The following METTL15 variants were observed in gnomAD, a reference collection of about 807,000 sequenced individuals.
METTL15 encodes the protein methyltransferase 15, mitochondrial 12S rRNA N4-cytidine.
Under a neutral mutation model 38.3 loss-of-function variants are expected in METTL15, and 34 were observed. The ratio of observed to expected loss-of-function variants is 0.89; its 90% CI spans 0.68 to 1.18. The LOEUF is 1.18. METTL15 is among the 50% of genes most tolerant of loss of function. The pLI, the probability that METTL15 is intolerant of heterozygous loss-of-function variation, is 0.00. For synonymous variants in METTL15, 162 were observed against 170.9 expected (o/e 0.95, Z 0.41); for missense variants, 438 against 498.4 (o/e 0.88, Z 1.15).
chr11:28,438,761 G>T (rs753585249), intron 6 of METTL15, among the ~76,000 whole-genome samples: 6 of 138,596 alleles, frequency 4.3e-5, no homozygotes, highest in Non-Finnish European at 9.0e-5. Flanking sequence ...TGCAACCTCC[G>T]CCTCCCAGGT....
chr11:28,168,975 G>T (rs1231522388), intron 3 of METTL15, among the ~76,000 whole-genome samples: 1 of 152,046 alleles, frequency 6.6e-6, no homozygotes, highest in African/African-American at 2.4e-5. Context: ...GTAGGAATTT[G>T]GACTTTAACC....
chr11:28,522,005 G>A (rs1851768918), intron 6 of METTL15, among the ~76,000 whole-genome samples: 3 of 152,114 alleles, frequency 2.0e-5, no homozygotes, highest in Admixed American at 2.0e-4. Flanking sequence ...TTTTCTGTTG[G>A]GACCCTGACT....
At chr11:28,441,326 GT>G (rs976584737) in intron 6 of METTL15, among the ~76,000 whole-genome samples, 5 of 151,910 alleles carry the variant, frequency 3.3e-5, no homozygotes, top group African/African-American at 1.2e-4. Context: ...GGTTAAATAT[GT>G]TATTAAATAA....
At chr11:28,176,587 T>C (rs969635588) in intron 3 of METTL15, among the ~76,000 whole-genome samples, 1 of 152,174 alleles carries the variant, frequency 6.6e-6, no homozygotes, top group Admixed American at 6.6e-5. Context: ...GTATTTCTTA[T>C]CATTACCATT....
intron 4 of METTL15, among the ~76,000 whole-genome samples, chr11:28,267,033 A>G (rs1855450067): frequency 6.6e-6 from 1 of 151,970 alleles, no homozygotes; most frequent in South Asian, 2.1e-4. Flanking sequence ...GGTGGTGGAC[A>G]CTTGTAATCC....
intron 4 of METTL15, among the ~76,000 whole-genome samples, chr11:28,353,055 T>G (rs1365079525): frequency 6.6e-6 from 1 of 152,030 alleles, no homozygotes; most frequent in African/African-American, 2.4e-5. Context: ...GAAAGCAGGA[T>G]TTAAGTGTCA....
At chr11:28,483,319 G>A (rs997353875) in intron 6 of METTL15, among the ~76,000 whole-genome samples, 4 of 152,108 alleles carry the variant, frequency 2.6e-5, no homozygotes, top group Non-Finnish European at 5.9e-5. Flanking sequence ...ATATTTAGAC[G>A]ACTAATTGAT....
At chr11:28,201,563 G>A (rs1852112525) in intron 3 of METTL15, among the ~76,000 whole-genome samples, 1 of 138,132 alleles carries the variant, frequency 7.2e-6, no homozygotes, top group African/African-American at 2.8e-5. Flanking sequence ...TTCAGAGGCA[G>A]TTGGTCTGTT....
chr11:28,213,664 T>C (rs1205234876), intron 4 of METTL15, among the ~76,000 whole-genome samples: 2 of 149,742 alleles, frequency 1.3e-5, no homozygotes, highest in Non-Finnish European at 3.0e-5. Context: ...TTTTCTTTTT[T>C]TTTTTTTTTG....
At chr11:28,322,003 A>T (rs1051785820) in intron 6 of METTL15, among the ~76,000 whole-genome samples, 3 of 152,180 alleles carry the variant, frequency 2.0e-5, no homozygotes, top group Middle Eastern at 3.4e-3. Context: ...TTTTGAAAAA[A>T]AATTAGATTT....
chr11:28,345,477 A>T (rs961584485), intron 3 of METTL15, among the ~76,000 whole-genome samples: 8 of 152,210 alleles, frequency 5.3e-5, no homozygotes, highest in Non-Finnish European at 2.9e-5. Context: ...GGTGTGATCC[A>T]CCGCACCTTG....
intron 6 of METTL15, among the ~76,000 whole-genome samples, chr11:28,324,997 C>G (rs1018641802): frequency 6.6e-6 from 1 of 152,176 alleles, no homozygotes; most frequent in Admixed American, 6.5e-5. Flanking sequence ...GCATGGCTGA[C>G]ATTCCCTTGG....
intron 6 of METTL15, among the ~76,000 whole-genome samples, chr11:28,311,382 G>A (rs1325690065): frequency 1.3e-5 from 2 of 152,068 alleles, no homozygotes; most frequent in Non-Finnish European, 1.5e-5. Flanking sequence ...ACTTTAGATC[G>A]TGCCCTGAAC....
At chr11:28,119,248 T>A (rs1852104698) in intron 3 of METTL15, among the ~76,000 whole-genome samples, 1 of 152,322 alleles carries the variant, frequency 6.6e-6, no homozygotes, top group African/African-American at 2.4e-5. Flanking sequence ...TTGCCCTCCA[T>A]GAAGCCATGG....
At chr11:28,340,204 A>G in intron 3 of METTL15, among the ~76,000 whole-genome samples, 1 of 152,236 alleles carries the variant, frequency 6.6e-6, no homozygotes, top group South Asian at 2.1e-4. Context: ...TGTACATTTT[A>G]TAATTTTGGT....
intron 6 of METTL15, among the ~76,000 whole-genome samples, chr11:28,462,592 A>C (rs1191223579): frequency 1.3e-5 from 2 of 152,064 alleles, no homozygotes; most frequent in African/African-American, 4.8e-5. Flanking sequence ...CAAAAAATAC[A>C]GGAAGTGGGC....
intron 4 of METTL15, among the ~76,000 whole-genome samples, chr11:28,229,403 CT>C (rs1853600133): frequency 6.6e-6 from 1 of 151,944 alleles, no homozygotes; most frequent in Non-Finnish European, 1.5e-5. Context: ...TTGTTATAGA[CT>C]TTCTCCCCTT....
chr11:28,159,886 T>G (rs892259757), intron 3 of METTL15, among the ~76,000 whole-genome samples: 17 of 152,174 alleles, frequency 1.1e-4, no homozygotes, highest in Non-Finnish European at 2.4e-4. Context: ...GGGGTGGACT[T>G]ACTTTGGTTA....
At chr11:28,421,216 TA>T (rs1850817441) in intron 5 of METTL15, among the ~76,000 whole-genome samples, 1 of 151,792 alleles carries the variant, frequency 6.6e-6, no homozygotes, top group Non-Finnish European at 1.5e-5. Context: ...AAGACCATAA[TA>T]AAAAACATCT....
Sources: gnomAD v4.1 joint callset for allele counts (sites outside exome capture counted in the v4.1 genomes callset) on GRCh38, gnomAD v4.1.1 for gene constraint, MANE v1.5 for transcripts, NCBI Gene and HGNC (gene_info 2026-07-23, HGNC 2026-07-21) for gene names.